PTPRD: variants seen among roughly 807,000 people sequenced by gnomAD.
PTPRD encodes receptor-type tyrosine-protein phosphatase delta.
In PTPRD, 34 loss-of-function variants were observed where a neutral mutation model predicts 214.5. The observed-to-expected ratio is 0.16, with a 90% CI of 0.12 to 0.21. The LOEUF (loss-of-function observed/expected upper bound fraction) is 0.21. Among genes scored for constraint, PTPRD ranks in the 10% least tolerant of loss-of-function variants. The pLI is 1.00. For missense variants in PTPRD, 2,545 were observed against 2,398.7 expected (o/e 1.06, Z -1.27); for synonymous variants, 1,128 against 845.7 (o/e 1.33, Z -5.79).
chr9:9,645,804 T>A (rs1012197635), intron 7 of PTPRD, among the ~76,000 whole-genome samples: 3 of 152,132 alleles, frequency 2.0e-5, no homozygotes, highest in African/African-American at 7.2e-5. Context: ...CCTGAATAAT[T>A]TAAAGATATT....
intron 43 of PTPRD, among the ~76,000 whole-genome samples, chr9:8,332,445 T>G (rs539471303): frequency 6.6e-6 from 1 of 152,156 alleles, no homozygotes; most frequent in South Asian, 2.1e-4. Context: ...CAACGACTAT[T>G]AGCAAACAAA....
chr9:9,097,670 A>G (rs1029117676), intron 10 of PTPRD, among the ~76,000 whole-genome samples: 6 of 152,050 alleles, frequency 3.9e-5, no homozygotes, highest in Admixed American at 2.6e-4. Flanking sequence ...TCGGCCTCCC[A>G]AAGTGCTAGG....
chr9:9,129,720 TC>T (rs2099839670), intron 10 of PTPRD, among the ~76,000 whole-genome samples: 1 of 152,196 alleles, frequency 6.6e-6, no homozygotes, highest in Admixed American at 6.5e-5. Context: ...CAGATTTTTT[TC>T]CCTTTATTAT....
At chr9:9,003,517 T>G (rs908358437) in intron 11 of PTPRD, among the ~76,000 whole-genome samples, 2 of 152,048 alleles carry the variant, frequency 1.3e-5, no homozygotes, top group Non-Finnish European at 1.5e-5. Flanking sequence ...AGCTAAGACA[T>G]GACTGGTCTA....
intron 2 of PTPRD, among the ~76,000 whole-genome samples, chr9:10,521,408 T>A (rs187096090): frequency 2.0e-5 from 3 of 152,248 alleles, no homozygotes; most frequent in Admixed American, 2.0e-4. Context: ...TTTCTTGAGG[T>A]GGGATCTACT....
At chr9:9,581,577 A>C (rs2090780458) in intron 7 of PTPRD, among the ~76,000 whole-genome samples, 1 of 152,142 alleles carries the variant, frequency 6.6e-6, no homozygotes, top group Admixed American at 6.6e-5. Flanking sequence ...ACTCTCGATA[A>C]ATAATCAATG....
At chr9:10,453,591 T>C (rs1028070248) in intron 2 of PTPRD, among the ~76,000 whole-genome samples, 1 of 151,692 alleles carries the variant, frequency 6.6e-6, no homozygotes, top group Non-Finnish European at 1.5e-5. Flanking sequence ...TTAAAATTAT[T>C]TTTCAGGCAT....
At chr9:8,479,306 T>C (rs374181224) in intron 30 of PTPRD, among the ~76,000 whole-genome samples, 1 of 152,242 alleles carries the variant, frequency 6.6e-6, no homozygotes. Flanking sequence ...TTGATACTTT[T>C]CTCACTCAAG....
chr9:9,154,192 A>G (rs921956507), intron 10 of PTPRD, among the ~76,000 whole-genome samples: 1 of 152,186 alleles, frequency 6.6e-6, no homozygotes, highest in Non-Finnish European at 1.5e-5. Flanking sequence ...CATTAATGCC[A>G]CAATGAATTA....
chr9:10,099,555 G>T (rs1240643668), intron 3 of PTPRD, among the ~76,000 whole-genome samples: 1 of 151,624 alleles, frequency 6.6e-6, no homozygotes, highest in Admixed American at 6.6e-5. Flanking sequence ...ATTATTTGAG[G>T]TTTCTGACCA....
At chr9:8,879,491 G>A (rs2098423872) in intron 11 of PTPRD, among the ~76,000 whole-genome samples, 1 of 152,164 alleles carries the variant, frequency 6.6e-6, no homozygotes, top group Non-Finnish European at 1.5e-5. Context: ...CAAAGACACA[G>A]TCAGATCGCT....
intron 4 of PTPRD, among the ~76,000 whole-genome samples, chr9:10,028,419 G>T (rs148426742): frequency 7.9e-5 from 12 of 152,130 alleles, no homozygotes; most frequent in African/African-American, 2.4e-4. Flanking sequence ...CTGTGTAACA[G>T]GCAGAGGTTG....
chr9:10,076,245 G>A (rs750361352), intron 3 of PTPRD, among the ~76,000 whole-genome samples: 7 of 151,970 alleles, frequency 4.6e-5, no homozygotes, highest in Admixed American at 2.0e-4. Context: ...GTACTTCCAC[G>A]TACATGCTGC....
intron 3 of PTPRD, among the ~76,000 whole-genome samples, chr9:10,178,772 C>G (rs1006481917): frequency 4.6e-5 from 7 of 151,882 alleles, no homozygotes; most frequent in African/African-American, 1.4e-4. Flanking sequence ...TAGCAACATC[C>G]TGGTCTTACT....
At chr9:10,372,725 A>G (rs974071165) in intron 2 of PTPRD, among the ~76,000 whole-genome samples, 1 of 152,128 alleles carries the variant, frequency 6.6e-6, no homozygotes, top group East Asian at 1.9e-4. Flanking sequence ...TGAGTTTGCA[A>G]TTAACTAGCG....
At chr9:9,210,675 C>T (rs1391562494) in intron 9 of PTPRD, among the ~76,000 whole-genome samples, 1 of 152,060 alleles carries the variant, frequency 6.6e-6, no homozygotes, top group African/African-American at 2.4e-5. Context: ...TTGCCACATG[C>T]CACATGCCAC....
intron 11 of PTPRD, among the ~76,000 whole-genome samples, chr9:8,934,462 T>A (rs868638676): frequency 3.4e-5 from 1 of 29,728 alleles, no homozygotes; most frequent in Non-Finnish European, 4.9e-5. Context: ...TATATATATA[T>A]AAATATATAT....
chr9:10,429,531 T>C lies in PTPRD; in HGVS notation c.-599-88514A>G, dbSNP rs2098657203. Among the ~76,000 whole-genome samples, 3 of 151,798 alleles carry C rather than the reference T, an allele frequency of 2.0e-5. No individual in the cohort carries two copies. In the South Asian group the frequency reaches 6.2e-4, roughly 32 times the overall value. On this transcript the variant is annotated intron_variant, in intron 2 of 45. Coordinates refer to ENST00000381196, the MANE Select transcript of PTPRD (RefSeq NM_002839.4). ...TGAAACCTTGTCATTTTCAGCAACA[T>C]GGATGGAACTGGAGGCCATTATCTT... is the stretch of plus-strand genomic sequence containing the variant.
chr9:8,572,236 C>T (rs1275900304), intron 14 of PTPRD, among the ~76,000 whole-genome samples: 1 of 152,030 alleles, frequency 6.6e-6, no homozygotes, highest in Non-Finnish European at 1.5e-5. Flanking sequence ...ATTTTAGTTT[C>T]TTTATTTGTA....
Sources: allele counts gnomAD v4.1 joint callset (sites outside exome capture counted in the v4.1 genomes callset), GRCh38; gene constraint gnomAD v4.1.1; transcripts MANE v1.5; gene names NCBI Gene and HGNC (gene_info 2026-07-23, HGNC 2026-07-21).